Variants in NOP9 observed in about 807,000 individuals in gnomAD.
The protein encoded by NOP9 is NOP9 nucleolar protein.
A neutral mutation model predicts 63.0 loss-of-function variants in NOP9; 50 were observed. That is an observed-to-expected ratio of 0.79 (90% confidence interval 0.63 to 1.00). The LOEUF (loss-of-function observed/expected upper bound fraction) is 1.00, where lower values mean the gene tolerates loss of function less well. NOP9 is among the 50% of genes least tolerant of loss of function. The pLI, the probability that NOP9 is intolerant of heterozygous loss-of-function variation, is 0.00. For synonymous variants in NOP9, 343 were observed against 332.8 expected, an observed-to-expected ratio of 1.03 and a Z score of -0.33; for missense variants, 758 against 803.0, an observed-to-expected ratio of 0.94 and a Z score of 0.68.
intron 6 of NOP9, among the ~76,000 whole-genome samples, chr14:24,303,524 T>C (rs537879881): frequency 1.3e-5 from 2 of 152,032 alleles, no homozygotes; most frequent in African/African-American, 4.8e-5. Flanking sequence ...CTCCCAGAAC[T>C]AAGAGAGAAG....
the NOP9 span, among the ~76,000 whole-genome samples, chr14:24,278,772 G>GCT: frequency 8.4e-4 from 128 of 152,342 alleles, no homozygotes; most frequent in African/African-American, 3.0e-3. Flanking sequence ...GAACAATGGG[G>GCT]CTCATAGGCC....
upstream of NOP9, chr14:24,299,042 C>T (rs758489787): frequency 1.2e-6 from 2 of 1,613,924 alleles, no homozygotes; most frequent in Admixed American, 1.7e-5. Flanking sequence ...CAAGGCAATG[C>T]CACGGCCAAT....
chr14:24,302,548 C>T (rs2041397152), intron 5 of NOP9, 124 bp downstream of exon 5: 1 of 984,034 alleles, frequency 1.0e-6, no homozygotes, highest in Non-Finnish European at 1.5e-6. Context: ...AAAAGCTATT[C>T]TTTGAGGTTT....
chr14:24,292,925 T>A, the NOP9 span: 1 of 1,064,852 alleles, frequency 9.4e-7, no homozygotes, highest in Non-Finnish European at 1.3e-6. Context: ...ACCTGAGGAA[T>A]TAGGGGCTTG....
chr14:24,291,202 G>C, the NOP9 span: 1 of 1,614,178 alleles, frequency 6.2e-7, no homozygotes, highest in Non-Finnish European at 8.5e-7. Flanking sequence ...TTACCACTCA[G>C]GCTCAGGATA....
Position 24,308,068 on chromosome 14 carries a change from G to A in NOP9, c.*2973G>A. 3.3e-6 allele frequency: 2 copies of A among 598,642 alleles called. No individual in the cohort carries two copies. The highest frequency in any genetic ancestry group is 5.9e-5 in the Admixed American group (2 of 34,064). 37.1% of individuals were successfully genotyped at this position (598,642 alleles called of 1,614,324 possible). On this transcript the variant is annotated 3_prime_UTR_variant, in exon 10 of 10. Transcript: ENST00000267425. Reference sequence around the variant, plus strand: ...TGAGGGAGGGGCCAGATGGGGTCCTGGAGGAAGAATTGCCTGGCAAAAGCC... The same window carrying A: ...TGAGGGAGGGGCCAGATGGGGTCCTAGAGGAAGAATTGCCTGGCAAAAGCC...
In NOP9 at chr14:24,299,991, C is replaced by A; in HGVS notation, c.37C>A (p.Arg13Ser). The change falls in exon 1 of 10, where the codon CGC becomes AGC. Residue 13 changes from arginine to serine, a missense_variant. Physicochemically the swap from Arg to Ser is moderately radical, Grantham distance 110. Transcript: ENST00000267425. ...TCCGCGCTCTCCACACAAGGTGGGGCGCCGGTTCCCAGCTGGTGGCAAACG... is the reference window on the plus strand; with the variant it reads ...TCCGCGCTCTCCACACAAGGTGGGGAGCCGGTTCCCAGCTGGTGGCAAACG... ...QGPRSPHKVG[R>S]RFPAGGKRGR... 6.3e-7 allele frequency: 1 copy of A among 1,594,330 alleles called. No homozygotes were observed. Among genetic ancestry groups the A allele is most frequent in the South Asian group, 1.1e-5 (1 of 89,466 alleles).
chr14:24,298,770 T>C, upstream of NOP9: 10 of 790,290 alleles, frequency 1.3e-5, no homozygotes, highest in Non-Finnish European at 9.2e-6. Context: ...TTCATAAAAC[T>C]CACTTGGCGG....
At chr14:24,299,051 A>G (rs2139108250), upstream of NOP9, 2 of 1,614,102 alleles carry the variant, frequency 1.2e-6, no homozygotes, top group Non-Finnish European at 8.5e-7. Context: ...GCCACGGCCA[A>G]TACCCCTGGA....
chr14:24,296,828 C>G (rs2139101252), upstream of NOP9: 1 of 1,614,272 alleles, frequency 6.2e-7, no homozygotes. Flanking sequence ...GCACTTCACT[C>G]TCCTGGCTTG....
chr14:24,299,800 C>A (rs1167383150), upstream of NOP9: 1 of 1,010,882 alleles, frequency 9.9e-7, no homozygotes, highest in East Asian at 2.7e-5. Context: ...ACCCACCCCG[C>A]CCGGCTGGGG....
chr14:24,286,039 C>T, the NOP9 span, among the ~76,000 whole-genome samples: 119 of 152,272 alleles, frequency 7.8e-4, 2 homozygotes, highest in African/African-American at 2.7e-3. Flanking sequence ...TTTCCCTGGG[C>T]TCCTTTGAGG....
chr14:24,296,838 G>C (rs761928016), upstream of NOP9: 5 of 1,614,126 alleles, frequency 3.1e-6, no homozygotes, highest in African/African-American at 6.7e-5. Flanking sequence ...CTCCTGGCTT[G>C]AATCGCACAC....
chr14:24,299,378 A>G, upstream of NOP9: 1 of 353,014 alleles, frequency 2.8e-6, no homozygotes, highest in Non-Finnish European at 5.2e-6. Flanking sequence ...AACTACTACA[A>G]CCCTCTGAGT....
the NOP9 span, among the ~76,000 whole-genome samples, chr14:24,284,986 C>T: frequency 6.6e-6 from 1 of 152,206 alleles, no homozygotes; most frequent in African/African-American, 2.4e-5. Context: ...ATGGAAACTC[C>T]TCCTCAGTGA....
At position 24,306,004 on chromosome 14, in the gene NOP9, T is replaced by C; in HGVS notation, c.*909T>C. The C allele has an allele frequency of 6.2e-7, 1 of 1,614,162 alleles. No individual in the cohort carries two copies. Among genetic ancestry groups the C allele is most frequent in the Non-Finnish European group, 8.5e-7 (1 of 1,180,026 alleles). ...GTCACAACTCATAGAGTAGAGCCCG[T>C]AGAATGTGGCTTTGACATTCAGGCT... On this transcript the variant is annotated 3_prime_UTR_variant, in exon 10 of 10. Coordinates refer to ENST00000267425, the MANE Select transcript of NOP9 (RefSeq NM_174913.3).
At chr14:24,296,887 G>A, upstream of NOP9, 2 of 1,614,192 alleles carry the variant, frequency 1.2e-6, no homozygotes, top group South Asian at 2.2e-5. Flanking sequence ...TGTGCCTGGA[G>A]TAGGACAGGG....
At chr14:24,287,578 T>C in the NOP9 span, among the ~76,000 whole-genome samples, 8 of 152,176 alleles carry the variant, frequency 5.3e-5, no homozygotes, top group African/African-American at 1.9e-4. Flanking sequence ...ATATCTTTAC[T>C]CCACTCTCTC....
At chr14:24,301,933 A>G (rs1422812752) in intron 3 of NOP9, 32 bp from the exon 4 acceptor site, 3 of 1,593,086 alleles carry the variant, frequency 1.9e-6, no homozygotes, top group Non-Finnish European at 2.6e-6. Flanking sequence ...GGATTTTGGG[A>G]AAGCCGCTTT....
Sources: allele counts gnomAD v4.1 joint callset (sites outside exome capture counted in the v4.1 genomes callset), GRCh38; gene constraint gnomAD v4.1.1; transcripts MANE v1.5; gene names NCBI Gene and HGNC (gene_info 2026-07-23, HGNC 2026-07-21).